Variants in APLP2 observed in about 807,000 individuals in gnomAD.
The protein encoded by APLP2 is amyloid beta precursor like protein 2.
Under a neutral mutation model 89.9 loss-of-function variants are expected in APLP2, and 53 were observed. The ratio of observed to expected loss-of-function variants is 0.59; its 90% confidence interval spans 0.47 to 0.74. APLP2 has a LOEUF of 0.74. Ranked by LOEUF, APLP2 falls within the 30% of genes least tolerant of loss-of-function variation. The probability of loss-of-function intolerance (pLI) is 0.00; values close to 1 mark genes in which losing one functional copy is unlikely to be tolerated. For synonymous variants in APLP2, 372 were observed against 348.6 expected (o/e 1.07, Z -0.75); for missense variants, 973 against 975.9 (o/e 1.00, Z 0.04).
At chr11:130,095,935 A>C (rs1270515393) in intron 1 of APLP2, among the ~76,000 whole-genome samples, 1 of 151,110 alleles carries the variant, frequency 6.6e-6, no homozygotes, top group African/African-American at 2.4e-5. Flanking sequence ...AGGAAAATAC[A>C]TGAGGCCTCT....
At chr11:130,128,478 C>G (rs1182102465) in intron 9 of APLP2, among the ~76,000 whole-genome samples, 1 of 152,178 alleles carries the variant, frequency 6.6e-6, no homozygotes, top group Non-Finnish European at 1.5e-5. Context: ...AGTTTTAATT[C>G]CTACAGAAGT....
intron 7 of APLP2, among the ~76,000 whole-genome samples, chr11:130,125,912 T>C (rs542988793): frequency 6.6e-6 from 1 of 152,170 alleles, no homozygotes; most frequent in Non-Finnish European, 1.5e-5. Context: ...GAGACTTGCT[T>C]GGGCCCCATG....
At chr11:130,083,021 C>CTTTTTTTTTTTTTTTTTTTTTT (rs1469566240) in intron 1 of APLP2, among the ~76,000 whole-genome samples, 2 of 79,980 alleles carry the variant, frequency 2.5e-5, no homozygotes, top group African/African-American at 1.0e-4. Context: ...TGAAACTTTT[C>CTTTTTTTTTTTTTTTTTTTTTT]TTTTCTTTTT....
intron 1 of APLP2, among the ~76,000 whole-genome samples, chr11:130,070,356 C>A (rs1565540738): frequency 1.3e-5 from 2 of 151,340 alleles, no homozygotes; most frequent in Non-Finnish European, 3.0e-5. Flanking sequence ...CAGCCCCCAA[C>A]CCGCCCGCGG....
At chr11:130,135,490 T>A in intron 12 of APLP2, 73 bp from the exon 13 acceptor site, 2 of 1,539,364 alleles carry the variant, frequency 1.3e-6, no homozygotes, top group Middle Eastern at 1.8e-4. Context: ...GTCTTGGAGC[T>A]CTAGAGCATC....
chr11:130,095,794 C>A (rs937324704), intron 1 of APLP2, among the ~76,000 whole-genome samples: 1 of 152,204 alleles, frequency 6.6e-6, no homozygotes, highest in Non-Finnish European at 1.5e-5. Flanking sequence ...TTTAGAAATA[C>A]CTGCAGGTTG....
rs376319356 is a variant in APLP2 at position 130,110,679 on chromosome 11, C to G, written c.403+18C>G. The G allele has an allele frequency of 6.3e-7, 1 of 1,594,370 alleles. No homozygotes were observed. Among genetic ancestry groups the G allele is most frequent in the African/African-American group, 1.4e-5 (1 of 73,372 alleles). ...GTGTCTCGGTGAGTGTTCTTGGTTA[C>G]TTTTCAGGAAGTGCCAGCCCCCTCC... On this transcript the variant is annotated intron_variant, in intron 3 of 16. Transcript: ENST00000338167.
At chr11:130,092,416 C>T (rs1191483471) in intron 1 of APLP2, among the ~76,000 whole-genome samples, 3 of 117,876 alleles carry the variant, frequency 2.5e-5, no homozygotes, top group Admixed American at 1.6e-4. Flanking sequence ...CGCCACTGCA[C>T]TCCAGCCTGG....
intron 12 of APLP2, among the ~76,000 whole-genome samples, chr11:130,135,274 A>G (rs1951437112): frequency 6.6e-6 from 1 of 152,196 alleles, no homozygotes; most frequent in African/African-American, 2.4e-5. Flanking sequence ...GTGTATATGT[A>G]TATCAAAGCA....
At chr11:130,070,126 C>T (rs1365685033) in intron 1 of APLP2, 44 bp downstream of exon 1, 3 of 1,250,964 alleles carry the variant, frequency 2.4e-6, no homozygotes, top group African/African-American at 3.2e-5. Flanking sequence ...CTTCGCCCGC[C>T]GGAGGAGCGC....
At chr11:130,131,187 C>G (rs1437524529) in intron 11 of APLP2, among the ~76,000 whole-genome samples, 2 of 152,206 alleles carry the variant, frequency 1.3e-5, no homozygotes, top group Non-Finnish European at 2.9e-5. Flanking sequence ...CAACTTCTGC[C>G]TCCCGGGTTC....
intron 16 of APLP2, 94 bp from the exon 17 acceptor site, chr11:130,143,253 C>A (rs749940272): frequency 3.1e-5 from 36 of 1,171,926 alleles, no homozygotes; most frequent in Non-Finnish European, 4.4e-5. Context: ...ATTTGGTCCT[C>A]AGGGGATTGT....
In APLP2 at chr11:130,143,468, C is replaced by T. The variant is rs772998883; in HGVS notation, c.*20C>T. 11 of 1,602,762 alleles carry T rather than the reference C, an allele frequency of 6.9e-6. 1 individual carries two copies. The highest frequency in any genetic ancestry group is 9.4e-6 in the Non-Finnish European group (11 of 1,170,288). On this transcript the variant is annotated 3_prime_UTR_variant, in exon 17 of 17. Coordinates refer to ENST00000338167, the MANE Select transcript of APLP2 (RefSeq NM_001142276.2). ...ATTTAGGTGGCAGGGAGCGCGGCAG[C>T]CCTGGCGGAGGGATGCAGGTGGGCC...
At chr11:130,093,508 G>T (rs1008783773) in intron 1 of APLP2, among the ~76,000 whole-genome samples, 2 of 152,192 alleles carry the variant, frequency 1.3e-5, no homozygotes, top group African/African-American at 4.8e-5. Context: ...AAATCTTCCA[G>T]AAGGAGAAAA....
At position 130,133,686 on chromosome 11, in the gene APLP2, T is replaced by C; in HGVS notation, c.1642T>C (p.Tyr548His). The C allele has an allele frequency of 1.2e-6, 2 of 1,614,222 alleles. No homozygotes were observed. The highest frequency in any genetic ancestry group is 1.7e-6 in the Non-Finnish European group (2 of 1,180,008). The change falls in exon 12 of 17, where the codon TAC becomes CAC. Residue 548 changes from tyrosine (Y) to histidine (H), a missense_variant. Transcript: ENST00000338167. The stretch of plus-strand genomic sequence containing the variant: ...GAGGAACCAAAGCCTCTCTCTGCTC[T>C]ACAAAGTACCTTATGTAGCCCAAGA... ...ERRNQSLSLL[Y>H]KVPYVAQEIQ...
At chr11:130,103,935 C>T (rs1204244775) in intron 1 of APLP2, among the ~76,000 whole-genome samples, 1 of 152,142 alleles carries the variant, frequency 6.6e-6, no homozygotes, top group Non-Finnish European at 1.5e-5. Context: ...TCATTCGTAG[C>T]AGGTTTAGGA....
chr11:130,106,625 G>A (rs944412613), intron 1 of APLP2, among the ~76,000 whole-genome samples: 5 of 151,848 alleles, frequency 3.3e-5, no homozygotes, highest in African/African-American at 7.3e-5. Context: ...TGCTTAAAGC[G>A]CTACTCAGCT....
At chr11:130,072,972 C>T (rs553981348) in intron 1 of APLP2, among the ~76,000 whole-genome samples, 1 of 152,190 alleles carries the variant, frequency 6.6e-6, no homozygotes, top group East Asian at 1.9e-4. Flanking sequence ...GTGAATTTTT[C>T]ATTTTATTTA....
intron 13 of APLP2, chr11:130,137,383 C>G: frequency 8.2e-7 from 1 of 1,215,368 alleles, no homozygotes; most frequent in South Asian, 1.2e-5. Context: ...ATGCCATCAC[C>G]TGGCTTTCCC....
Sources: gnomAD v4.1 joint callset for allele counts (sites outside exome capture counted in the v4.1 genomes callset) on GRCh38, gnomAD v4.1.1 for gene constraint, MANE v1.5 for transcripts, NCBI Gene and HGNC (gene_info 2026-07-23, HGNC 2026-07-21) for gene names.